CSMD3: variants seen among roughly 807,000 people sequenced by gnomAD.
CSMD3 encodes the protein CUB and sushi domain-containing protein 3.
In CSMD3, 177 loss-of-function variants were observed where a neutral mutation model predicts 435.2. That is an observed-to-expected ratio of 0.41 (90% CI 0.36 to 0.46). CSMD3 has a LOEUF of 0.46. Ranked by LOEUF, CSMD3 falls within the 20% of genes least tolerant of loss-of-function variation. The probability of loss-of-function intolerance (pLI) is 0.34; values close to 1 mark genes in which losing one functional copy is unlikely to be tolerated. For synonymous variants in CSMD3, 1,656 were observed against 1,520.5 expected (o/e 1.09, Z -2.07); for missense variants, 4,265 against 4,504.6 (o/e 0.95, Z 1.52).
chr8:112,494,077 T>C (rs1017816841), intron 30 of CSMD3, among the ~76,000 whole-genome samples: 1 of 152,116 alleles, frequency 6.6e-6, no homozygotes, highest in Non-Finnish European at 1.5e-5. Flanking sequence ...AATATGTTTC[T>C]TTCATTCATA....
intron 35 of CSMD3, among the ~76,000 whole-genome samples, chr8:112,391,520 C>T (rs1586966968): frequency 6.6e-6 from 1 of 151,976 alleles, no homozygotes; most frequent in Admixed American, 6.6e-5. Context: ...GGTGAAACCC[C>T]GTCTCTACTA....
At chr8:112,379,272 C>G (rs1829245698) in intron 38 of CSMD3, among the ~76,000 whole-genome samples, 1 of 152,234 alleles carries the variant, frequency 6.6e-6, no homozygotes, top group East Asian at 1.9e-4. Context: ...GAGTTCGATA[C>G]CAGCCTGACC....
At chr8:112,743,198 TAA>T (rs1222920025) in intron 13 of CSMD3, among the ~76,000 whole-genome samples, 2 of 151,800 alleles carry the variant, frequency 1.3e-5, no homozygotes, top group African/African-American at 4.8e-5. Context: ...AACTAAATCT[TAA>T]GAGACAAAAG....
intron 5 of CSMD3, among the ~76,000 whole-genome samples, chr8:113,044,837 G>A (rs1448307797): frequency 1.3e-5 from 2 of 148,940 alleles, no homozygotes; most frequent in East Asian, 1.9e-4. Context: ...TCTTTTGTCT[G>A]AAAAGATAAA....
At chr8:113,270,970 T>C (rs2093519950) in intron 3 of CSMD3, among the ~76,000 whole-genome samples, 1 of 126,126 alleles carries the variant, frequency 7.9e-6, no homozygotes, top group South Asian at 2.8e-4. Context: ...GAACTTAAAG[T>C]ATAATCAAAA....
intron 3 of CSMD3, among the ~76,000 whole-genome samples, chr8:113,235,135 G>A (rs188291127): frequency 5.3e-5 from 8 of 152,146 alleles, no homozygotes; most frequent in African/African-American, 1.7e-4. Flanking sequence ...GAAAGTCTTC[G>A]GCAGGGAATA....
chr8:112,375,443 T>C (rs1478322722), intron 38 of CSMD3, among the ~76,000 whole-genome samples: 3 of 152,068 alleles, frequency 2.0e-5, no homozygotes, highest in East Asian at 1.9e-4. Flanking sequence ...GACCTAAAAT[T>C]GTGAGATTTA....
At chr8:112,612,900 T>G (rs1833377389) in intron 22 of CSMD3, among the ~76,000 whole-genome samples, 1 of 94,606 alleles carries the variant, frequency 1.1e-5, no homozygotes, top group African/African-American at 5.1e-5. Flanking sequence ...TAATTATTAT[T>G]ATTATTTTTT....
intron 38 of CSMD3, among the ~76,000 whole-genome samples, chr8:112,367,577 A>G (rs1827897016): frequency 6.6e-6 from 1 of 152,124 alleles, no homozygotes; most frequent in African/African-American, 2.4e-5. Context: ...AAGCTTTTCA[A>G]TTATATCTTA....
chr8:112,624,042 A>G (rs1170512965), intron 22 of CSMD3, among the ~76,000 whole-genome samples: 1 of 152,100 alleles, frequency 6.6e-6, no homozygotes, highest in Non-Finnish European at 1.5e-5. Context: ...ATACTCCTTT[A>G]AAAAGTGTAA....
intron 3 of CSMD3, among the ~76,000 whole-genome samples, chr8:113,185,875 C>T (rs1490785218): frequency 6.6e-6 from 1 of 151,982 alleles, no homozygotes; most frequent in Non-Finnish European, 1.5e-5. Context: ...AAGACCCATT[C>T]GTATCTTCCC....
Position 113,369,895 on chromosome 8 carries a change from G to A in CSMD3, c.179-55102C>T, listed in dbSNP as rs560624707. On this transcript the variant is annotated intron_variant, in intron 1 of 70. Transcript: ENST00000297405. ...ATAGAGAGTAGAATGGTGATTACTA[G>A]AGGCTGAGGCAGTGACAGTGGGGGA... Among the ~76,000 whole-genome samples, 63 of 151,904 alleles carry A rather than the reference G, an allele frequency of 4.1e-4. 1 individual carries two copies. The South Asian group carries it at 0.012, about 30-fold the overall frequency.
At chr8:113,073,850 C>A (rs142596825) in intron 5 of CSMD3, among the ~76,000 whole-genome samples, 203 of 151,864 alleles carry the variant, frequency 1.3e-3, no homozygotes, top group Non-Finnish European at 2.6e-3. Context: ...GTCTTGTCAT[C>A]CTAATTAATT....
intron 1 of CSMD3, among the ~76,000 whole-genome samples, chr8:113,431,658 T>C (rs1489000257): frequency 6.6e-6 from 1 of 152,126 alleles, no homozygotes; most frequent in Non-Finnish European, 1.5e-5. Flanking sequence ...GGAAGTAAAC[T>C]TTAGTTCCCT....
chr8:113,321,956 T>C (rs2093952087), intron 1 of CSMD3, among the ~76,000 whole-genome samples: 1 of 152,184 alleles, frequency 6.6e-6, no homozygotes, highest in East Asian at 1.9e-4. Context: ...ACATAAAAAT[T>C]TGGAAATATT....
intron 10 of CSMD3, among the ~76,000 whole-genome samples, chr8:112,865,518 A>G (rs2129959866): frequency 6.6e-6 from 1 of 152,172 alleles, no homozygotes; most frequent in East Asian, 1.9e-4. Flanking sequence ...CTTTCCACTA[A>G]CTTACTTGTA....
intron 27 of CSMD3, chr8:112,539,012 CA>C (rs1440647478): frequency 1.3e-5 from 2 of 153,000 alleles, no homozygotes; most frequent in African/African-American, 4.8e-5. Flanking sequence ...GAGCCTCAAC[CA>C]AATACTAGCA....
intron 4 of CSMD3, among the ~76,000 whole-genome samples, chr8:113,150,570 G>T (rs190403472): frequency 6.6e-6 from 1 of 151,922 alleles, no homozygotes; most frequent in Non-Finnish European, 1.5e-5. Context: ...TAACCCATGC[G>T]CATATTCCTG....
intron 31 of CSMD3, among the ~76,000 whole-genome samples, chr8:112,476,631 A>T (rs1306190039): frequency 6.6e-6 from 1 of 152,068 alleles, no homozygotes; most frequent in Non-Finnish European, 1.5e-5. Flanking sequence ...TGTAATTGAT[A>T]ATAATTAATT....
Sources: allele counts gnomAD v4.1 joint callset (sites outside exome capture counted in the v4.1 genomes callset), GRCh38; gene constraint gnomAD v4.1.1; transcripts MANE v1.5; gene names NCBI Gene and HGNC (gene_info 2026-07-23, HGNC 2026-07-21).